The following SDK1 variants were observed in gnomAD, a reference collection of about 807,000 sequenced individuals.
SDK1 encodes the protein protein sidekick-1.
In SDK1, 157 loss-of-function variants were observed where a neutral mutation model predicts 245.5. That is an observed-to-expected ratio of 0.64 (90% CI 0.56 to 0.73). The LOEUF (loss-of-function observed/expected upper bound fraction) is 0.73, where lower values mean the gene tolerates loss of function less well. Ranked by LOEUF, SDK1 falls within the 30% of genes least tolerant of loss-of-function variation. The pLI is 0.00. For synonymous variants in SDK1, 1,647 were observed against 1,278.5 expected (o/e 1.29, Z -6.15); for missense variants, 3,583 against 3,002.3 (o/e 1.19, Z -4.52).
chr7:3,432,483 A>C (rs1779882451), intron 1 of SDK1, among the ~76,000 whole-genome samples: 1 of 152,194 alleles, frequency 6.6e-6, no homozygotes, highest in East Asian at 1.9e-4. Context: ...AAACAAGCTC[A>C]AAGGATTAAT....
At chr7:3,389,431 T>C (rs1370645231) in intron 1 of SDK1, among the ~76,000 whole-genome samples, 3 of 152,110 alleles carry the variant, frequency 2.0e-5, no homozygotes, top group African/African-American at 4.8e-5. Flanking sequence ...ACCTCTGGTA[T>C]TGAAGTTGGA....
intron 4 of SDK1, among the ~76,000 whole-genome samples, chr7:3,752,632 G>C (rs981043018): frequency 6.6e-6 from 1 of 152,004 alleles, no homozygotes; most frequent in African/African-American, 2.4e-5. Context: ...ATGGATTTAC[G>C]TCATCTGATA....
intron 4 of SDK1, among the ~76,000 whole-genome samples, chr7:3,806,531 C>T (rs765223172): frequency 6.6e-6 from 1 of 152,216 alleles, no homozygotes; most frequent in Non-Finnish European, 1.5e-5. Context: ...CCTTTATAGA[C>T]CCTAGCGAAG....
At chr7:3,756,711 A>G (rs1312664798) in intron 4 of SDK1, among the ~76,000 whole-genome samples, 6 of 152,012 alleles carry the variant, frequency 3.9e-5, no homozygotes, top group Non-Finnish European at 8.8e-5. Context: ...CTCTTTCTGT[A>G]CTGTCTACAA....
chr7:3,453,504 T>TGA (rs1025956098), intron 1 of SDK1, among the ~76,000 whole-genome samples: 1 of 152,074 alleles, frequency 6.6e-6, no homozygotes, highest in African/African-American at 2.4e-5. Context: ...AATATCCATA[T>TGA]GAGAGAGAGA....
chr7:3,387,592 A>G (rs1220458376), intron 1 of SDK1, among the ~76,000 whole-genome samples: 1 of 152,136 alleles, frequency 6.6e-6, no homozygotes, highest in Admixed American at 6.5e-5. Context: ...GGTAATTCCC[A>G]TTGCATTTTT....
At chr7:3,785,484 C>T (rs955845033) in intron 4 of SDK1, among the ~76,000 whole-genome samples, 1 of 152,060 alleles carries the variant, frequency 6.6e-6, no homozygotes, top group Non-Finnish European at 1.5e-5. Flanking sequence ...TGTCAATTTA[C>T]AATTAAAAAG....
Position 3,803,315 on chromosome 7 carries a change from CT to C in SDK1, c.714-18123del, listed in dbSNP as rs60469408. 4.2e-3 allele frequency among the ~76,000 whole-genome samples: 506 copies of C among 119,686 alleles called. 2 individuals carry two copies. Among genetic ancestry groups the C allele is most frequent in the African/African-American group, 6.0e-3 (215 of 36,108 alleles). 78.5% of individuals were successfully genotyped at this position (119,686 alleles called of 152,430 possible). The stretch of plus-strand genomic sequence containing the variant: ...TTTTCTTTTCTTTCTTTCTTTCTTT[CT>C]TTTTTTTTTTTGGAAACAAAGTCTT... On this transcript the variant is annotated intron_variant, in intron 4 of 44. Coordinates refer to ENST00000404826, the MANE Select transcript of SDK1 (RefSeq NM_152744.4).
intron 4 of SDK1, among the ~76,000 whole-genome samples, chr7:3,692,849 G>A (rs6462243): frequency 0.27 from 40,327 of 151,846 alleles, 8,832 homozygotes; most frequent in African/African-American, 0.59. Flanking sequence ...CGTATCCTTG[G>A]CACCATCGAG....
At chr7:3,802,078 C>T (rs1344845252) in intron 4 of SDK1, among the ~76,000 whole-genome samples, 1 of 152,192 alleles carries the variant, frequency 6.6e-6, no homozygotes, top group Non-Finnish European at 1.5e-5. Context: ...GTTGCAAAAA[C>T]TATTCAGAGA....
intron 1 of SDK1, among the ~76,000 whole-genome samples, chr7:3,538,154 G>A (rs1778943495): frequency 1.3e-5 from 2 of 152,144 alleles, no homozygotes; most frequent in Admixed American, 6.5e-5. Flanking sequence ...GATGTCATGG[G>A]TGGGTAGGTG....
At chr7:3,747,240 A>G (rs192835853) in intron 4 of SDK1, among the ~76,000 whole-genome samples, 2 of 152,356 alleles carry the variant, frequency 1.3e-5, no homozygotes, top group Admixed American at 6.5e-5. Context: ...CTCACTGGTA[A>G]TTAGAAATGT....
At chr7:4,147,272 C>T (rs1269938628) in intron 29 of SDK1, among the ~76,000 whole-genome samples, 1 of 152,196 alleles carries the variant, frequency 6.6e-6, no homozygotes, top group Non-Finnish European at 1.5e-5. Context: ...CCTGGAATGC[C>T]TGGGCTCAAG....
At chr7:3,484,775 G>A (rs1455044335) in intron 1 of SDK1, among the ~76,000 whole-genome samples, 1 of 152,058 alleles carries the variant, frequency 6.6e-6, no homozygotes, top group Non-Finnish European at 1.5e-5. Flanking sequence ...GTCTTTCTGG[G>A]CCTGACTTTC....
intron 44 of SDK1, among the ~76,000 whole-genome samples, chr7:4,250,596 C>T (rs950121766): frequency 4.6e-5 from 7 of 152,108 alleles, no homozygotes; most frequent in Non-Finnish European, 7.3e-5. Context: ...CCGCCCACCT[C>T]GGCCTCCCAA....
intron 5 of SDK1, among the ~76,000 whole-genome samples, chr7:3,948,251 C>CTTTTTTTTTTTTTTTTTTTT (rs34746302): frequency 1.3e-5 from 1 of 79,668 alleles, no homozygotes; most frequent in African/African-American, 5.4e-5. Context: ...ATCACCATTG[C>CTTTTTTTTTTTTTTTTTTTT]TTTTTTTTTT....
intron 35 of SDK1, among the ~76,000 whole-genome samples, chr7:4,192,342 C>G (rs1430057402): frequency 2.0e-5 from 3 of 152,346 alleles, no homozygotes; most frequent in Admixed American, 6.5e-5. Context: ...GTGGCACTAT[C>G]TTGGCTCACT....
intron 28 of SDK1, among the ~76,000 whole-genome samples, chr7:4,139,457 ATATG>A (rs1417083636): frequency 7.4e-6 from 1 of 135,002 alleles, no homozygotes; most frequent in Admixed American, 7.3e-5. Flanking sequence ...ATGTGTGTGT[ATATG>A]TATATATGTG....
chr7:3,764,731 A>T (rs891657120), intron 4 of SDK1, among the ~76,000 whole-genome samples: 4 of 152,148 alleles, frequency 2.6e-5, no homozygotes, highest in South Asian at 2.1e-4. Flanking sequence ...CATACAATTT[A>T]AAAAAAATCA....
Sources: gnomAD v4.1 joint callset for allele counts (sites outside exome capture counted in the v4.1 genomes callset) on GRCh38, gnomAD v4.1.1 for gene constraint, MANE v1.5 for transcripts, NCBI Gene and HGNC (gene_info 2026-07-23, HGNC 2026-07-21) for gene names.